The following EMC8 variants were observed in gnomAD, a reference collection of about 807,000 sequenced individuals.
EMC8 encodes the protein ER membrane protein complex subunit 8.
A neutral mutation model predicts 24.3 loss-of-function variants in EMC8; 11 were observed. That is an observed-to-expected ratio of 0.45 (90% confidence interval 0.28 to 0.75). The LOEUF (loss-of-function observed/expected upper bound fraction) is 0.75, where lower values mean the gene tolerates loss of function less well. Ranked by LOEUF, EMC8 falls within the 30% of genes least tolerant of loss-of-function variation. The pLI is 0.12. For missense variants in EMC8, 277 were observed against 282.7 expected (o/e 0.98, Z 0.14); for synonymous variants, 145 against 117.7 (o/e 1.23, Z -1.50).
chr16:85,783,906 A>G (rs1204885073), intron 2 of EMC8, among the ~76,000 whole-genome samples: 6 of 152,184 alleles, frequency 3.9e-5, no homozygotes, highest in Non-Finnish European at 5.9e-5. Flanking sequence ...CACAGAGTCC[A>G]TGGCACGTGC....
Position 85,779,607 on chromosome 16 carries a change from G to A in EMC8, c.*101C>T. 1.6e-6 allele frequency: 2 copies of A among 1,285,270 alleles called. No homozygotes were observed. Among genetic ancestry groups the A allele is most frequent in the Non-Finnish European group, 1.1e-6 (1 of 905,208 alleles). The allele number at this position is 1,285,270 out of a possible 1,614,324, so 79.6% of individuals were successfully genotyped here. On this transcript the variant is annotated 3_prime_UTR_variant, in exon 5 of 5. Transcript: ENST00000253457. ...CACATGCCACTTCTTAAAACGGTCA[G>A]CTTTCCACACAGGCTACAAGATATT...
At chr16:85,785,280 T>C (rs1904700835) in intron 2 of EMC8, among the ~76,000 whole-genome samples, 1 of 152,152 alleles carries the variant, frequency 6.6e-6, no homozygotes, top group African/African-American at 2.4e-5. Flanking sequence ...GTCTAAAAAT[T>C]TGTAGTTGGC....
chr16:85,780,936 G>A (rs902779361), intron 3 of EMC8: 8 of 520,132 alleles, frequency 1.5e-5, no homozygotes, highest in African/African-American at 1.3e-4. Context: ...GTGGGGTCTG[G>A]GGTGGGTGCC....
At chr16:85,797,864 T>G (rs928662532) in intron 1 of EMC8, among the ~76,000 whole-genome samples, 9 of 152,362 alleles carry the variant, frequency 5.9e-5, no homozygotes, top group African/African-American at 2.2e-4. Context: ...AGCTCAGGTA[T>G]GCAGGTCTGA....
chr16:85,798,954 G>T (rs1905427928), intron 1 of EMC8, 111 bp downstream of exon 1: 3 of 718,654 alleles, frequency 4.2e-6, no homozygotes, highest in Non-Finnish European at 6.8e-6. Flanking sequence ...GCAACCCTAG[G>T]GAGCGGGTCC....
chr16:85,782,710 C>T (rs934053915), intron 2 of EMC8, among the ~76,000 whole-genome samples: 7 of 152,130 alleles, frequency 4.6e-5, no homozygotes, highest in African/African-American at 1.4e-4. Context: ...AGCAGCACTC[C>T]GGAAGTCTCC....
rs969170135 is a variant in EMC8, at chr16:85,778,726, C to T, written c.*982G>A. 1 of 152,194 alleles carries T rather than the reference C, an allele frequency of 6.6e-6. No homozygotes were observed. The highest frequency in any genetic ancestry group is 1.5e-5 in the Non-Finnish European group (1 of 68,032). The allele number at this position is 152,194 out of a possible 1,614,324, so 9.4% of individuals were successfully genotyped here. A position where few individuals can be genotyped will look rare whatever the true frequency, so the allele number is the denominator to read the frequency against. ...CGCTGTATCACAAACCCTTTCAGGT[C>T]ACACCGATCGTTACAAATTCCTCCA... On this transcript the variant is annotated 3_prime_UTR_variant, in exon 5 of 5. Coordinates refer to ENST00000253457, the MANE Select transcript of EMC8 (RefSeq NM_006067.5).
intron 1 of EMC8, chr16:85,792,821 C>A (rs114749522): frequency 1.4e-3 from 216 of 152,394 alleles, no homozygotes; most frequent in African/African-American, 5.0e-3. Context: ...GCCACTCAAC[C>A]TCTGTTCCCA....
intron 1 of EMC8, among the ~76,000 whole-genome samples, chr16:85,791,979 A>T (rs933334934): frequency 2.6e-5 from 4 of 152,210 alleles, no homozygotes; most frequent in African/African-American, 9.7e-5. Flanking sequence ...TGACCATACC[A>T]TACAACATTT....
intron 2 of EMC8, among the ~76,000 whole-genome samples, chr16:85,783,912 C>T (rs987242628): frequency 5.9e-5 from 9 of 152,250 alleles, no homozygotes; most frequent in African/African-American, 1.7e-4. Flanking sequence ...GTCCATGGCA[C>T]GTGCTGCTTT....
chr16:85,797,073 T>C (rs1905267349), intron 1 of EMC8, among the ~76,000 whole-genome samples: 1 of 152,222 alleles, frequency 6.6e-6, no homozygotes, highest in Non-Finnish European at 1.5e-5. Flanking sequence ...AGTCAATGCA[T>C]TTCACAGATC....
intron 1 of EMC8, among the ~76,000 whole-genome samples, chr16:85,791,837 G>A (rs1166349685): frequency 1.3e-5 from 2 of 152,096 alleles, no homozygotes; most frequent in African/African-American, 4.8e-5. Flanking sequence ...GTGATTACAT[G>A]AGGCACACCC....
chr16:85,790,993 A>G (rs1904983371), intron 1 of EMC8, among the ~76,000 whole-genome samples: 1 of 152,026 alleles, frequency 6.6e-6, no homozygotes. Context: ...TGTCTGGCTA[A>G]TTTTTAAATT....
intron 2 of EMC8, among the ~76,000 whole-genome samples, chr16:85,782,588 T>G (rs545954107): frequency 2.1e-4 from 32 of 152,262 alleles, no homozygotes; most frequent in Non-Finnish European, 4.4e-4. Context: ...CTGTCCAGCT[T>G]CCCTCCTCCC....
chr16:85,795,427 C>G (rs1905207536), intron 1 of EMC8, among the ~76,000 whole-genome samples: 1 of 152,198 alleles, frequency 6.6e-6, no homozygotes, highest in African/African-American at 2.4e-5. Flanking sequence ...TCCTCACGGC[C>G]CTGGTTAGTC....
In EMC8 at chr16:85,779,494, C is replaced by T. The variant is rs1327157058; in HGVS notation, c.*214G>A. On this transcript the variant is annotated 3_prime_UTR_variant, in exon 5 of 5. Coordinates refer to ENST00000253457, the MANE Select transcript of EMC8 (RefSeq NM_006067.5). ...AGCAACATACAACTGAGAGAGTCCA[C>T]AGGGACAGTCAGACGGGATGTCTGC... is the stretch of plus-strand genomic sequence containing the variant. 3.8e-6 allele frequency: 2 copies of T among 520,988 alleles called. No individual in the cohort carries two copies. Among genetic ancestry groups the T allele is most frequent in the Non-Finnish European group, 6.9e-6 (2 of 288,896 alleles). The allele number at this position is 520,988 out of a possible 1,614,324, so 32.3% of individuals were successfully genotyped here.
chr16:85,790,379 C>A (rs530022148), intron 1 of EMC8, among the ~76,000 whole-genome samples: 3 of 152,094 alleles, frequency 2.0e-5, no homozygotes, highest in Non-Finnish European at 4.4e-5. Context: ...AACCAGGGCT[C>A]AGTGAACCAA....
At chr16:85,786,355 A>T (rs1338305017) in intron 2 of EMC8, among the ~76,000 whole-genome samples, 2 of 152,238 alleles carry the variant, frequency 1.3e-5, no homozygotes, top group Non-Finnish European at 2.9e-5. Flanking sequence ...TTTTCCAGGC[A>T]GAAGCAAAAC....
At chr16:85,797,416 C>CA (rs893426158) in intron 1 of EMC8, among the ~76,000 whole-genome samples, 1 of 152,052 alleles carries the variant, frequency 6.6e-6, no homozygotes, top group African/African-American at 2.4e-5. Flanking sequence ...CTCAAAAAAA[C>CA]AAAAAGATGG....
Sources: allele counts gnomAD v4.1 joint callset (sites outside exome capture counted in the v4.1 genomes callset), GRCh38; gene constraint gnomAD v4.1.1; transcripts MANE v1.5; gene names NCBI Gene and HGNC (gene_info 2026-07-23, HGNC 2026-07-21).